EMB: variants seen among roughly 807,000 people sequenced by gnomAD.
EMB encodes embigin homolog.
In EMB, 31 loss-of-function variants were observed where a neutral mutation model predicts 41.4. That is an observed-to-expected ratio of 0.75 (90% CI 0.56 to 1.01). EMB has a LOEUF of 1.01. EMB is among the 50% of genes least tolerant of loss of function. The pLI, the probability that EMB is intolerant of heterozygous loss-of-function variation, is 0.00. For missense variants in EMB, 379 were observed against 388.3 expected, an observed-to-expected ratio of 0.98 and a Z score of 0.20; for synonymous variants, 137 against 140.4, an observed-to-expected ratio of 0.98 and a Z score of 0.17.
At chr5:50,422,300 A>T (rs1157657440) in intron 2 of EMB, among the ~76,000 whole-genome samples, 1 of 152,208 alleles carries the variant, frequency 6.6e-6, no homozygotes, top group African/African-American at 2.4e-5. Flanking sequence ...AGAAATTATC[A>T]GAGTATAACA....
chr5:50,403,093 T>C lies in EMB; in HGVS notation c.877+85A>G, dbSNP rs548575014. The C allele has an allele frequency of 2.7e-5, 34 of 1,263,280 alleles. No individual in the cohort carries two copies. The African/African-American group carries it at 4.2e-4, about 16-fold the overall frequency. The allele number at this position is 1,263,280 out of a possible 1,614,324, so 78.3% of individuals were successfully genotyped here. A position where few individuals can be genotyped will look rare whatever the true frequency, so the allele number is the denominator to read the frequency against. On this transcript the variant is annotated intron_variant, in intron 6 of 8. Coordinates refer to ENST00000303221, the MANE Select transcript of EMB (RefSeq NM_198449.3). ...AAAGTCATTGCAATGTATCAAATCA[T>C]AATCCATATCATAAGTAAATGATAC...
At position 50,411,652 on chromosome 5, in the gene EMB, A is replaced by G. The variant is rs924849459; in HGVS notation, c.197-269T>C. On this transcript the variant is annotated intron_variant, in intron 2 of 8. Transcript: ENST00000303221. ...CTCCTTAAGCTCTATACTGAGCAGA[A>G]TATAGGGTAGAGAGTACCCTATAAC... The G allele has an allele frequency of 1.2e-4, 24 of 198,390 alleles. 1 individual carries two copies. In the Admixed American group the frequency reaches 1.3e-3, roughly 10 times the overall value. 12.3% of individuals were successfully genotyped at this position (198,390 alleles called of 1,614,324 possible).
chr5:50,399,812 T>C (rs372016496), intron 8 of EMB, 47 bp downstream of exon 8: 136 of 1,433,652 alleles, frequency 9.5e-5, no homozygotes, highest in South Asian at 2.7e-4. Context: ...AGCCTATGTA[T>C]ATTGAATTTG....
rs1172148483 is a variant in EMB at position 50,397,833 on chromosome 5, C to A, written c.*1440G>T. 6.6e-6 allele frequency: 1 copy of A among 151,990 alleles called. No homozygotes were observed. Among genetic ancestry groups the A allele is most frequent in the Non-Finnish European group, 1.5e-5 (1 of 67,974 alleles). The allele number at this position is 151,990 out of a possible 1,614,324, so 9.4% of individuals were successfully genotyped here. ...TATGTGTAGTTAAGATGCTTTACAA[C>A]AAAATATTGCATTTTGTTATAGCAA... On this transcript the variant is annotated 3_prime_UTR_variant, in exon 9 of 9. Transcript: ENST00000303221.
At chr5:50,421,151 G>A (rs1346768416) in intron 2 of EMB, among the ~76,000 whole-genome samples, 1 of 152,144 alleles carries the variant, frequency 6.6e-6, no homozygotes, top group Non-Finnish European at 1.5e-5. Flanking sequence ...AATCTACAGA[G>A]TGGGTGAAGA....
chr5:50,429,213 C>A (rs1212336178), intron 1 of EMB, among the ~76,000 whole-genome samples: 5 of 152,110 alleles, frequency 3.3e-5, no homozygotes, highest in Admixed American at 6.5e-5. Context: ...GCCTACTGTT[C>A]CTTTTATTTT....
intron 7 of EMB, 144 bp from the exon 8 acceptor site, chr5:50,400,057 A>G: frequency 3.5e-6 from 2 of 577,466 alleles, no homozygotes; most frequent in Middle Eastern, 4.7e-4. Context: ...TTTACTTACA[A>G]TGTTGAATTT....
upstream of EMB, chr5:50,441,452 G>T: frequency 4.1e-6 from 1 of 241,414 alleles, no homozygotes; most frequent in Non-Finnish European, 8.0e-6. Context: ...CCGCCCTCTC[G>T]GCTCTAGCAG....
intron 4 of EMB, among the ~76,000 whole-genome samples, chr5:50,409,917 A>G (rs1296445278): frequency 1.3e-5 from 2 of 152,084 alleles, no homozygotes; most frequent in Non-Finnish European, 1.5e-5. Context: ...ACCACATTGG[A>G]ACAATTACAA....
chr5:50,440,741 C>G (rs1158792656), intron 1 of EMB, among the ~76,000 whole-genome samples: 2 of 152,062 alleles, frequency 1.3e-5, no homozygotes, highest in Admixed American at 6.5e-5. Context: ...CTGCCTTCTT[C>G]CTAGGAAAAA....
At chr5:50,427,989 C>T (rs909883265) in intron 2 of EMB, among the ~76,000 whole-genome samples, 155 bp downstream of exon 2, 2 of 152,178 alleles carry the variant, frequency 1.3e-5, no homozygotes, top group African/African-American at 4.8e-5. Flanking sequence ...AACGTCCTCA[C>T]CACATTAGAT....
In EMB at chr5:50,430,406, C is replaced by A. The variant is rs183507561; in HGVS notation, c.113-2179G>T. Among the ~76,000 whole-genome samples, 112 of 152,248 alleles carry A rather than the reference C, an allele frequency of 7.4e-4. 1 individual carries two copies. In the East Asian group the frequency reaches 0.02, roughly 27 times the overall value. On this transcript the variant is annotated intron_variant, in intron 1 of 8. Transcript: ENST00000303221. ...CAGCATCATTTATTATTATGGTTCACAGTATCAGTAACAATAAGAGTGACA... is the reference window on the plus strand; with the variant it reads ...CAGCATCATTTATTATTATGGTTCAAAGTATCAGTAACAATAAGAGTGACA...
In EMB at chr5:50,398,981, G is replaced by A. The variant is rs1745114937; in HGVS notation, c.*292C>T. The stretch of plus-strand genomic sequence containing the variant: ...ATTTTTGTTCTATGAAGTATTAAGT[G>A]ATTCTGCTGATATCTGTTCTGTGTG... On this transcript the variant is annotated 3_prime_UTR_variant, in exon 9 of 9. Transcript: ENST00000303221. The A allele has an allele frequency of 4.2e-6, 1 of 236,252 alleles. No individual in the cohort carries two copies. Among genetic ancestry groups the A allele is most frequent in the African/African-American group, 2.3e-5 (1 of 44,136 alleles). 14.6% of individuals were successfully genotyped at this position (236,252 alleles called of 1,614,324 possible).
Position 50,398,471 on chromosome 5 carries a change from A to G in EMB, c.*802T>C, listed in dbSNP as rs1229752248. The G allele has an allele frequency of 6.6e-6, 1 of 151,994 alleles. No individual in the cohort carries two copies. Among genetic ancestry groups the G allele is most frequent in the Non-Finnish European group, 1.5e-5 (1 of 67,938 alleles). 9.4% of individuals were successfully genotyped at this position (151,994 alleles called of 1,614,324 possible). On this transcript the variant is annotated 3_prime_UTR_variant, in exon 9 of 9. Transcript: ENST00000303221. Reference sequence around the variant, plus strand: ...GAACCAGGAAACCATGAGCCACAAAAGCATCAGTGTAGCAGTGTTTTAAGT... The same window carrying G: ...GAACCAGGAAACCATGAGCCACAAAGGCATCAGTGTAGCAGTGTTTTAAGT...
At chr5:50,432,350 A>C (rs1197916839) in intron 1 of EMB, among the ~76,000 whole-genome samples, 1 of 152,208 alleles carries the variant, frequency 6.6e-6, no homozygotes, top group Non-Finnish European at 1.5e-5. Context: ...ATCAACATGC[A>C]GTACTTAATT....
chr5:50,421,153 G>A (rs919139475), intron 2 of EMB, among the ~76,000 whole-genome samples: 1 of 152,072 alleles, frequency 6.6e-6, no homozygotes, highest in Non-Finnish European at 1.5e-5. Context: ...TCTACAGAGT[G>A]GGTGAAGAAT....
chr5:50,437,740 T>C (rs1745828255), intron 1 of EMB, among the ~76,000 whole-genome samples: 1 of 152,076 alleles, frequency 6.6e-6, no homozygotes. Flanking sequence ...AAAGCTGCTG[T>C]GTTTGGGGTG....
chr5:50,401,681 T>TAAG (rs1386528469), intron 7 of EMB, among the ~76,000 whole-genome samples: 1 of 151,980 alleles, frequency 6.6e-6, no homozygotes. Context: ...AAAGGCTGTG[T>TAAG]AAGAGAACCT....
chr5:50,397,110 T>C lies in EMB; in HGVS notation c.*2163A>G, dbSNP rs937921850. 2.0e-5 allele frequency: 3 copies of C among 152,144 alleles called. No individual in the cohort carries two copies. The highest frequency in any genetic ancestry group is 4.4e-5 in the Non-Finnish European group (3 of 68,012). The allele number at this position is 152,144 out of a possible 1,614,324, so 9.4% of individuals were successfully genotyped here. On this transcript the variant is annotated 3_prime_UTR_variant, in exon 9 of 9. Transcript: ENST00000303221. ...GAAAGACTAAGAGAATTCCCCAAGGTGCCTAATATATAAACTTGGAGTAGT... is the reference window on the plus strand; with the variant it reads ...GAAAGACTAAGAGAATTCCCCAAGGCGCCTAATATATAAACTTGGAGTAGT...
Sources: allele counts gnomAD v4.1 joint callset (sites outside exome capture counted in the v4.1 genomes callset), GRCh38; gene constraint gnomAD v4.1.1; transcripts MANE v1.5; gene names NCBI Gene and HGNC (gene_info 2026-07-23, HGNC 2026-07-21).